PTPRE: variants seen among roughly 807,000 people sequenced by gnomAD.
The protein encoded by PTPRE is receptor-type tyrosine-protein phosphatase epsilon.
In PTPRE, 51 loss-of-function variants were observed where a neutral mutation model predicts 102.0. The observed-to-expected ratio is 0.50, with a 90% CI of 0.40 to 0.63. The LOEUF (loss-of-function observed/expected upper bound fraction) is 0.63. PTPRE is among the 30% of genes least tolerant of loss of function. The probability of loss-of-function intolerance (pLI) is 0.00; values close to 1 mark genes in which losing one functional copy is unlikely to be tolerated. For synonymous variants in PTPRE, 345 were observed against 348.2 expected (o/e 0.99, Z 0.10); for missense variants, 752 against 915.1 (o/e 0.82, Z 2.30).
intron 6 of PTPRE, among the ~76,000 whole-genome samples, chr10:128,052,089 C>T (rs1244334890): frequency 6.6e-6 from 1 of 152,156 alleles, no homozygotes; most frequent in African/African-American, 2.4e-5. Context: ...TGCTTTTCTG[C>T]TCATCTGTCC....
At chr10:127,939,422 A>G (rs1284640507) in intron 1 of PTPRE, among the ~76,000 whole-genome samples, 1 of 152,184 alleles carries the variant, frequency 6.6e-6, no homozygotes, top group Non-Finnish European at 1.5e-5. Context: ...TCAAACAGGG[A>G]TCTCACATTT....
At position 128,076,663 on chromosome 10, in the gene PTPRE, G is replaced by A; in HGVS notation, c.1660G>A (p.Glu554Lys). Residue 554 changes from glutamate (E) to lysine (K), a missense_variant, in exon 18 of 21, where the codon GAG becomes AAG. Coordinates refer to ENST00000254667, the MANE Select transcript of PTPRE (RefSeq NM_006504.6). The stretch of plus-strand genomic sequence containing the variant: ...AGTTACTCATGGAGAAATAACGATT[G>A]AGATAAAGAATGATACCCTTTCAGA... Reference protein sequence around the residue: ...GSVTHGEITIEIKNDTLSEAI... With the variant: ...GSVTHGEITIKIKNDTLSEAI... 6.2e-7 allele frequency: 1 copy of A among 1,611,908 alleles called. No individual in the cohort carries two copies.
rs370247861 is a variant in PTPRE at position 128,077,648 on chromosome 10, T to C, written c.1757T>C (p.Val586Ala). ...GCCCGCCAGGAGGAGCAGGTCCGAG[T>C]AGTGCGCCAGTTTCACTTCCACGGC... ...PQARQEEQVR[V>A]VRQFHFHGWP... The change falls in exon 19 of 21, where the codon GTA becomes GCA. Residue 586 changes from valine (V) to alanine (A), a missense_variant. Around this residue, in one of 2 missense-constraint regions of PTPRE, gnomAD observed 636 missense variants for 824.4 expected, o/e 0.77. Coordinates refer to ENST00000254667, the MANE Select transcript of PTPRE (RefSeq NM_006504.6). 5.6e-5 allele frequency: 91 copies of C among 1,612,944 alleles called. No homozygotes were observed. Among genetic ancestry groups the C allele is most frequent in the Non-Finnish European group, 7.0e-5 (83 of 1,179,406 alleles).
intron 2 of PTPRE, among the ~76,000 whole-genome samples, chr10:128,004,328 C>T (rs1273942539): frequency 6.6e-6 from 1 of 151,946 alleles, no homozygotes; most frequent in Non-Finnish European, 1.5e-5. Context: ...TGTACATTCA[C>T]AGTGTTGGGC....
intron 1 of PTPRE, among the ~76,000 whole-genome samples, chr10:127,975,688 A>G (rs1396223543): frequency 6.6e-6 from 1 of 152,224 alleles, no homozygotes; most frequent in Non-Finnish European, 1.5e-5. Context: ...GGCTCACTGA[A>G]CAGGAATTAG....
At position 128,076,727 on chromosome 10, in the gene PTPRE, A is replaced by G; in HGVS notation, c.1724A>G (p.Gln575Arg). ...CGAGACTTTCTGGTCACTCTCAATC[A>G]GGTATTGTTGAAGTAGCTCTTTAAA... ...SIRDFLVTLN[Q>R]PQARQEEQVR... The change falls in exon 18 of 21, where the codon CAG (glutamine) becomes CGG (arginine). Residue 575 changes from glutamine to arginine, a missense_variant and splice_region_variant. Around this residue, in one of 2 missense-constraint regions of PTPRE, gnomAD observed 636 missense variants for 824.4 expected, o/e 0.77. Transcript: ENST00000254667. 2 of 1,611,428 alleles carry G rather than the reference A, an allele frequency of 1.2e-6. No homozygotes were observed. The highest frequency in any genetic ancestry group is 1.7e-6 in the Non-Finnish European group (2 of 1,179,314).
intron 1 of PTPRE, among the ~76,000 whole-genome samples, chr10:127,960,528 C>T (rs886147760): frequency 6.6e-6 from 1 of 152,202 alleles, no homozygotes; most frequent in African/African-American, 2.4e-5. Flanking sequence ...CCCCCGAGTC[C>T]GGTCTGACCG....
At chr10:128,073,547 G>A (rs1850967904) in intron 17 of PTPRE, 76 bp downstream of exon 17, 3 of 1,516,162 alleles carry the variant, frequency 2.0e-6, no homozygotes, top group Non-Finnish European at 2.7e-6. Context: ...CATTACAAAT[G>A]TCCCACCTGC....
intron 2 of PTPRE, chr10:127,998,986 G>A (rs950689881): frequency 6.6e-6 from 1 of 152,010 alleles, no homozygotes; most frequent in African/African-American, 2.4e-5. Flanking sequence ...TGCTGTAGAA[G>A]GGGGCAAAGA....
chr10:128,018,504 C>T (rs1411334451), intron 2 of PTPRE, among the ~76,000 whole-genome samples: 1 of 152,204 alleles, frequency 6.6e-6, no homozygotes, highest in Non-Finnish European at 1.5e-5. Flanking sequence ...ATTCGTGAGG[C>T]TTTGACGATG....
intron 6 of PTPRE, among the ~76,000 whole-genome samples, chr10:128,051,245 C>T (rs996414479): frequency 1.9e-4 from 29 of 152,206 alleles, no homozygotes; most frequent in African/African-American, 6.5e-4. Flanking sequence ...GAGGGGGCCA[C>T]TCCCAGGGAG....
intron 2 of PTPRE, among the ~76,000 whole-genome samples, chr10:127,992,043 A>G (rs1014811167): frequency 6.6e-6 from 1 of 152,130 alleles, no homozygotes. Context: ...CCCTGTGCCC[A>G]GCACCTCGGG....
intron 2 of PTPRE, among the ~76,000 whole-genome samples, chr10:128,037,849 T>C (rs1243674375): frequency 6.6e-6 from 1 of 152,102 alleles, no homozygotes; most frequent in Non-Finnish European, 1.5e-5. Flanking sequence ...TGGAGTGCAG[T>C]GGTGCGATCT....
At chr10:127,930,299 CT>C (rs1039473789) in intron 1 of PTPRE, among the ~76,000 whole-genome samples, 25 of 152,144 alleles carry the variant, frequency 1.6e-4, no homozygotes, top group African/African-American at 6.0e-4. Flanking sequence ...AACCCCACCC[CT>C]ACCCTGGTAT....
intron 1 of PTPRE, among the ~76,000 whole-genome samples, chr10:127,973,126 T>C (rs1450183234): frequency 6.6e-6 from 1 of 152,250 alleles, no homozygotes; most frequent in African/African-American, 2.4e-5. Context: ...ATATTTTTGC[T>C]ATAATGCTGT....
In PTPRE at chr10:128,070,779, C is replaced by T. The variant is rs754639460; in HGVS notation, c.1294-29C>T. The T allele has an allele frequency of 3.1e-6, 5 of 1,598,438 alleles. No individual in the cohort carries two copies. The South Asian group carries it at 5.5e-5, about 18-fold the overall frequency. On this transcript the variant is annotated intron_variant, in intron 14 of 20. Coordinates refer to ENST00000254667, the MANE Select transcript of PTPRE (RefSeq NM_006504.6). The surrounding 1 kb of genome is among the most constrained non-coding windows in gnomAD (Gnocchi z 4.8). ...GTGCTCAGGAGTGTCAGAGGTTTAA[C>T]TGTGTCATTATATCCTTCTCTGCTG...
chr10:128,018,683 C>T (rs1845627607), intron 2 of PTPRE, among the ~76,000 whole-genome samples: 1 of 152,154 alleles, frequency 6.6e-6, no homozygotes, highest in African/African-American at 2.4e-5. Context: ...TCTGCTGAAG[C>T]CTAAAGCTGC....
intron 9 of PTPRE, 50 bp downstream of exon 9, chr10:128,061,765 C>A: frequency 6.4e-7 from 1 of 1,553,544 alleles, no homozygotes; most frequent in South Asian, 1.2e-5. Context: ...GTGAATAGCT[C>A]TTATTTCCTT....
At chr10:127,993,786 T>TGTGTGTGTGTGTGC (rs1359735793) in intron 2 of PTPRE, among the ~76,000 whole-genome samples, 1 of 151,646 alleles carries the variant, frequency 6.6e-6, no homozygotes, top group African/African-American at 2.4e-5. Context: ...TGTGTGTGTG[T>TGTGTGTGTGTGTGC]GCGTGTGTGT....
Sources: allele counts gnomAD v4.1 joint callset (sites outside exome capture counted in the v4.1 genomes callset), GRCh38; gene constraint gnomAD v4.1.1; regional missense constraint gnomAD v4.1.1; non-coding constraint Gnocchi (gnomAD v3.1); transcripts MANE v1.5; gene names NCBI Gene and HGNC (gene_info 2026-07-23, HGNC 2026-07-21).